Variants in KIF18A observed in about 807,000 individuals in gnomAD.
The protein encoded by KIF18A is kinesin-like protein KIF18A.
KIF18A carries 67 observed loss-of-function variants against 103.3 expected under a neutral mutation model. The ratio of observed to expected loss-of-function variants is 0.65; its 90% CI spans 0.53 to 0.79. KIF18A has a LOEUF of 0.79. Among genes scored for constraint, KIF18A ranks in the 30% least tolerant of loss-of-function variants. The pLI is 0.00. For missense variants in KIF18A, 1,032 were observed against 1,062.5 expected (o/e 0.97, Z 0.40); for synonymous variants, 367 against 355.5 (o/e 1.03, Z -0.36).
intron 6 of KIF18A, 114 bp from the exon 7 acceptor site, chr11:28,084,922 T>A (rs1421825857): frequency 2.8e-6 from 2 of 705,644 alleles, no homozygotes; most frequent in East Asian, 2.6e-5. Context: ...GGCAAGAGAC[T>A]GAAGGTATAA....
chr11:28,069,202 AC>A, intron 11 of KIF18A, 56 bp downstream of exon 11: 1 of 1,325,190 alleles, frequency 7.5e-7, no homozygotes, highest in African/African-American at 1.5e-5. Context: ...GAAAAAGAAC[AC>A]ATTTTAGGAG....
At chr11:28,064,097 T>A (rs866332091) in intron 11 of KIF18A, among the ~76,000 whole-genome samples, 5 of 151,134 alleles carry the variant, frequency 3.3e-5, no homozygotes, top group Non-Finnish European at 3.0e-5. Flanking sequence ...ATATATTAAA[T>A]TTAGGAGTTA....
intron 1 of KIF18A, among the ~76,000 whole-genome samples, chr11:28,098,879 C>CA (rs139380534): frequency 0.14 from 21,435 of 149,774 alleles, 1,700 homozygotes; most frequent in East Asian, 0.29. Context: ...AACAAAAAGA[C>CA]AAAAAAAAAC....
chr11:28,052,334 C>T (rs961436594), intron 13 of KIF18A, among the ~76,000 whole-genome samples: 1 of 152,072 alleles, frequency 6.6e-6, no homozygotes, highest in East Asian at 1.9e-4. Flanking sequence ...TGATAGTAAC[C>T]TACAAGGCCC....
intron 2 of KIF18A, among the ~76,000 whole-genome samples, chr11:28,096,364 G>A (rs991991264): frequency 1.3e-5 from 2 of 152,218 alleles, no homozygotes; most frequent in African/African-American, 4.8e-5. Flanking sequence ...ATACTTTTCA[G>A]TAGGATGAAT....
intron 1 of KIF18A, among the ~76,000 whole-genome samples, chr11:28,098,978 C>T (rs1184117884): frequency 6.6e-6 from 1 of 152,000 alleles, no homozygotes; most frequent in Non-Finnish European, 1.5e-5. Context: ...TGCAATCCCA[C>T]TTCTGAGTAT....
chr11:28,088,497 T>C (rs1184564732), intron 6 of KIF18A, 27 bp downstream of exon 6: 1 of 1,567,970 alleles, frequency 6.4e-7, no homozygotes, highest in Non-Finnish European at 8.8e-7. Flanking sequence ...TTTCAAACTA[T>C]TTAACAAATA....
chr11:28,057,624 A>G (rs1304362369), intron 13 of KIF18A, among the ~76,000 whole-genome samples: 2 of 152,134 alleles, frequency 1.3e-5, no homozygotes, highest in African/African-American at 2.4e-5. Flanking sequence ...CATGGGTACT[A>G]AGTACAGAAA....
chr11:28,079,390 T>G (rs1344029382), intron 9 of KIF18A, among the ~76,000 whole-genome samples: 1 of 152,086 alleles, frequency 6.6e-6, no homozygotes, highest in Non-Finnish European at 1.5e-5. Flanking sequence ...TTTGATGAGA[T>G]GAAAAACCAG....
intron 13 of KIF18A, among the ~76,000 whole-genome samples, chr11:28,052,217 C>T (rs1401959575): frequency 6.6e-6 from 1 of 152,038 alleles, no homozygotes; most frequent in Non-Finnish European, 1.5e-5. Flanking sequence ...ATTCTCACCA[C>T]AGCAGTCAGA....
chr11:28,044,532 T>C (rs1850603881), intron 13 of KIF18A, among the ~76,000 whole-genome samples: 1 of 152,078 alleles, frequency 6.6e-6, no homozygotes, highest in Non-Finnish European at 1.5e-5. Flanking sequence ...ACTGAAAGTA[T>C]GCGTTTCAGG....
Position 28,084,824 on chromosome 11 carries a change from A to G in KIF18A, c.898-16T>C. ...GATTCTTTCTCTGAAAGCACAAAAA[A>G]GAGATCTTATGTCATTTTCCACATT... On this transcript the variant is annotated splice_polypyrimidine_tract_variant and intron_variant, in intron 6 of 16. Coordinates refer to ENST00000263181, the MANE Select transcript of KIF18A (RefSeq NM_031217.4). 1 of 1,597,776 alleles carries G rather than the reference A, an allele frequency of 6.3e-7. No homozygotes were observed. The highest frequency in any genetic ancestry group is 8.6e-7 in the Non-Finnish European group (1 of 1,167,858).
intron 13 of KIF18A, among the ~76,000 whole-genome samples, chr11:28,038,722 T>C (rs1850523743): frequency 6.6e-6 from 1 of 151,592 alleles, no homozygotes; most frequent in Admixed American, 6.6e-5. Flanking sequence ...GGAAATAAAA[T>C]TCAAAAACAG....
chr11:28,033,293 A>G (rs1850434352), intron 15 of KIF18A, among the ~76,000 whole-genome samples: 1 of 151,676 alleles, frequency 6.6e-6, no homozygotes, highest in South Asian at 2.1e-4. Context: ...TATAAAGAAA[A>G]GTTTGAAGAG....
chr11:28,038,992 T>A (rs943917875), intron 13 of KIF18A, among the ~76,000 whole-genome samples: 1 of 151,612 alleles, frequency 6.6e-6, no homozygotes, highest in African/African-American at 2.4e-5. Flanking sequence ...GTATAGGGGA[T>A]AGAAAACTAC....
At position 28,059,113 on chromosome 11, in the gene KIF18A, T is replaced by C; in HGVS notation, c.1761A>G (p.Leu587=). The C allele has an allele frequency of 6.2e-7, 1 of 1,614,056 alleles. No homozygotes were observed. Among genetic ancestry groups the C allele is most frequent in the Non-Finnish European group, 8.5e-7 (1 of 1,179,938 alleles). ...LPTLRKQYCT[L]KEAGLSNAAF... The stretch of plus-strand genomic sequence containing the variant: ...CAGCATTTGACAGGCCGGCTTCTTT[T>C]AATGTGCAATATTGTTTTCTTAGGG... The change falls in exon 13 of 17, where the codon TTA becomes TTG. Residue 587 remains leucine, a synonymous_variant. Coordinates refer to ENST00000263181, the MANE Select transcript of KIF18A (RefSeq NM_031217.4).
In KIF18A at chr11:28,052,633, CT is replaced by C. The variant is rs1850725046; in HGVS notation, c.1948+6292del. Among the ~76,000 whole-genome samples, 8 of 152,142 alleles carry C rather than the reference CT, an allele frequency of 5.3e-5. No individual in the cohort carries two copies. In the South Asian group the frequency reaches 1.7e-3, roughly 32 times the overall value. On this transcript the variant is annotated intron_variant, in intron 13 of 16. Coordinates refer to ENST00000263181, the MANE Select transcript of KIF18A (RefSeq NM_031217.4). The stretch of plus-strand genomic sequence containing the variant: ...CTCCCTGGCCACACTCCTGAACTCC[CT>C]TTATTTCTTTCTTATAGCATGTAGT...
intron 9 of KIF18A, among the ~76,000 whole-genome samples, chr11:28,081,063 G>A (rs1851159484): frequency 6.6e-6 from 1 of 152,184 alleles, no homozygotes; most frequent in South Asian, 2.1e-4. Flanking sequence ...TGAGAGAGGT[G>A]AGGAAGTTGC....
intron 10 of KIF18A, among the ~76,000 whole-genome samples, chr11:28,072,472 G>A (rs1851032364): frequency 6.6e-6 from 1 of 152,150 alleles, no homozygotes; most frequent in Admixed American, 6.5e-5. Context: ...CTATTGGAGA[G>A]AATCCAAAAC....
Sources: gnomAD v4.1 joint callset for allele counts (sites outside exome capture counted in the v4.1 genomes callset) on GRCh38, gnomAD v4.1.1 for gene constraint, MANE v1.5 for transcripts, NCBI Gene and HGNC (gene_info 2026-07-23, HGNC 2026-07-21) for gene names.